Variants in ADARB2 observed in about 807,000 individuals in gnomAD.
ADARB2 encodes adenosine deaminase RNA specific B2 (inactive), also known as inactive double-stranded RNA-specific editase B2.
Under a neutral mutation model 62.2 loss-of-function variants are expected in ADARB2, and 25 were observed. The observed-to-expected ratio is 0.40, with a 90% CI of 0.29 to 0.56. The LOEUF is 0.56. ADARB2 is among the 20% of genes least tolerant of loss of function. The pLI is 0.43. For synonymous variants in ADARB2, 572 were observed against 500.8 expected (o/e 1.14, Z -1.90); for missense variants, 1,071 against 1,077.4 (o/e 0.99, Z 0.08).
chr10:1,573,830 C>T (rs1231220330), intron 1 of ADARB2, among the ~76,000 whole-genome samples: 17 of 152,194 alleles, frequency 1.1e-4, no homozygotes, highest in African/African-American at 1.9e-4. Context: ...GCCCTCCTGC[C>T]GCCCAGTGAG....
At chr10:1,211,880 T>C (rs1837157501) in intron 7 of ADARB2, among the ~76,000 whole-genome samples, 1 of 152,242 alleles carries the variant, frequency 6.6e-6, no homozygotes, top group Admixed American at 6.5e-5. Flanking sequence ...TTTGTTTTAC[T>C]ATATTTAGTT....
intron 1 of ADARB2, among the ~76,000 whole-genome samples, chr10:1,570,385 A>AGCACCT (rs1179909182): frequency 6.6e-6 from 1 of 152,168 alleles, no homozygotes; most frequent in Non-Finnish European, 1.5e-5. Context: ...TGGGTCCCCC[A>AGCACCT]GCACCTGCAC....
intron 1 of ADARB2, among the ~76,000 whole-genome samples, chr10:1,710,343 G>T (rs1834935701): frequency 1.3e-5 from 2 of 152,174 alleles, no homozygotes; most frequent in African/African-American, 4.8e-5. Context: ...CTGGGGCCTT[G>T]TGTGACATTG....
At chr10:1,594,120 T>A (rs949751591) in intron 1 of ADARB2, among the ~76,000 whole-genome samples, 2 of 152,018 alleles carry the variant, frequency 1.3e-5, no homozygotes, top group African/African-American at 4.8e-5. Context: ...TGAAACCCTG[T>A]CTCTACTAAA....
At chr10:1,640,653 AAC>A (rs1187789886) in intron 1 of ADARB2, among the ~76,000 whole-genome samples, 5 of 151,976 alleles carry the variant, frequency 3.3e-5, no homozygotes, top group Non-Finnish European at 7.4e-5. Flanking sequence ...CACACACAAA[AAC>A]ACACACACAG....
intron 1 of ADARB2, among the ~76,000 whole-genome samples, chr10:1,546,270 CGTG>C (rs1353803175): frequency 6.6e-6 from 1 of 152,202 alleles, no homozygotes; most frequent in African/African-American, 2.4e-5. Context: ...CAGCAGTACT[CGTG>C]GTCCCAGTGA....
In ADARB2 at chr10:1,575,610, G is replaced by A. The variant is rs563501925; in HGVS notation, c.100+161441C>T. Among the ~76,000 whole-genome samples, 46 of 152,324 alleles carry A rather than the reference G, an allele frequency of 3.0e-4. 1 individual carries two copies. The East Asian group carries it at 6.4e-3, about 21-fold the overall frequency. On this transcript the variant is annotated intron_variant, in intron 1 of 9. Transcript: ENST00000381312. ...GCTGCTCTGAGGGGCTCTGTGCACA[G>A]CCACCCTCTCTCTCCCTCAGTCCTC...
intron 3 of ADARB2, among the ~76,000 whole-genome samples, chr10:1,304,272 CAAAG>C (rs1196516153): frequency 6.6e-6 from 1 of 151,898 alleles, no homozygotes; most frequent in Non-Finnish European, 1.5e-5. Context: ...TCAAAAGAGA[CAAAG>C]AAGGCCATTA....
At chr10:1,406,833 C>G (rs530431163) in intron 1 of ADARB2, among the ~76,000 whole-genome samples, 1 of 152,158 alleles carries the variant, frequency 6.6e-6, no homozygotes, top group Non-Finnish European at 1.5e-5. Context: ...CAGGACTGGA[C>G]GAGGATTGCC....
chr10:1,556,990 C>G, intron 1 of ADARB2: 1 of 387,410 alleles, frequency 2.6e-6, no homozygotes, highest in Non-Finnish European at 5.4e-6. Context: ...CTCCAGGAAT[C>G]TTGTCCTGCA....
At chr10:1,333,528 T>C (rs1268301638) in intron 3 of ADARB2, among the ~76,000 whole-genome samples, 11 of 152,140 alleles carry the variant, frequency 7.2e-5, no homozygotes. Flanking sequence ...TTTTTTAGTC[T>C]CTAGAGGTAA....
chr10:1,649,956 A>G (rs1283282641), intron 1 of ADARB2, among the ~76,000 whole-genome samples: 1 of 152,224 alleles, frequency 6.6e-6, no homozygotes, highest in Non-Finnish European at 1.5e-5. Flanking sequence ...CAAACCCGGG[A>G]GGACCTGGAG....
intron 1 of ADARB2, among the ~76,000 whole-genome samples, chr10:1,736,650 C>T (rs1469032853): frequency 6.6e-6 from 1 of 152,178 alleles, no homozygotes; most frequent in Non-Finnish European, 1.5e-5. Context: ...GTAGCTGGCG[C>T]GAGGGCTCGT....
intron 4 of ADARB2, among the ~76,000 whole-genome samples, chr10:1,243,752 T>G (rs1462044337): frequency 6.6e-6 from 1 of 152,228 alleles, no homozygotes; most frequent in Non-Finnish European, 1.5e-5. Context: ...TCCAGCCTCC[T>G]TCCTTCCAGG....
intron 1 of ADARB2, among the ~76,000 whole-genome samples, chr10:1,573,723 AC>A (rs1832971009): frequency 6.6e-6 from 1 of 152,154 alleles, no homozygotes. Flanking sequence ...TGCAGCAGGC[AC>A]CCAGCAGGAC....
chr10:1,357,831 A>C (rs966196640), intron 3 of ADARB2, among the ~76,000 whole-genome samples: 2 of 152,252 alleles, frequency 1.3e-5, no homozygotes, highest in African/African-American at 2.4e-5. Context: ...AGCCCCAGAA[A>C]AACTCTGTGC....
chr10:1,515,560 C>A (rs577849592), intron 1 of ADARB2, among the ~76,000 whole-genome samples: 1 of 152,210 alleles, frequency 6.6e-6, no homozygotes, highest in African/African-American at 2.4e-5. Flanking sequence ...TGGGAAAACC[C>A]GCCAGCCTTG....
intron 1 of ADARB2, among the ~76,000 whole-genome samples, chr10:1,638,863 C>G (rs1460908549): frequency 6.6e-6 from 1 of 152,196 alleles, no homozygotes; most frequent in Non-Finnish European, 1.5e-5. Context: ...GTGTCGGGGG[C>G]TCACATACTT....
chr10:1,527,272 G>T (rs779481645), intron 1 of ADARB2, among the ~76,000 whole-genome samples: 1 of 152,172 alleles, frequency 6.6e-6, no homozygotes, highest in South Asian at 2.1e-4. Flanking sequence ...ATATGACTCT[G>T]CTAGTATTTT....
Sources: gnomAD v4.1 joint callset for allele counts (sites outside exome capture counted in the v4.1 genomes callset) on GRCh38, gnomAD v4.1.1 for gene constraint, MANE v1.5 for transcripts, NCBI Gene and HGNC (gene_info 2026-07-23, HGNC 2026-07-21) for gene names.